The following SMYD3 variants were observed in gnomAD, a reference collection of about 807,000 sequenced individuals.
The protein encoded by SMYD3 is histone-lysine N-methyltransferase SMYD3.
SMYD3 carries 36 observed loss-of-function variants against 57.7 expected under a neutral mutation model. The ratio of observed to expected loss-of-function variants is 0.62; its 90% CI spans 0.48 to 0.82. The LOEUF is 0.82. Among genes scored for constraint, SMYD3 ranks in the 40% least tolerant of loss-of-function variants. The pLI, the probability that SMYD3 is intolerant of heterozygous loss-of-function variation, is 0.00. For synonymous variants in SMYD3, 211 were observed against 195.0 expected (o/e 1.08, Z -0.68); for missense variants, 515 against 538.8 (o/e 0.96, Z 0.44).
At chr1:246,447,623 T>C (rs1302468109) in intron 1 of SMYD3, among the ~76,000 whole-genome samples, 1 of 152,202 alleles carries the variant, frequency 6.6e-6, no homozygotes, top group Non-Finnish European at 1.5e-5. Flanking sequence ...TTCAGTCTTA[T>C]AGTCTACAGA....
chr1:245,930,395 G>A, intron 5 of SMYD3: 1 of 337,474 alleles, frequency 3.0e-6, no homozygotes, highest in Non-Finnish European at 5.7e-6. Context: ...CCTACAGAAA[G>A]CGAAGTATCC....
At chr1:245,798,387 C>T (rs1200088500) in intron 10 of SMYD3, among the ~76,000 whole-genome samples, 21 of 128,868 alleles carry the variant, frequency 1.6e-4, no homozygotes, top group Non-Finnish European at 1.7e-5. Context: ...AACACACACA[C>T]GCGCACACAC....
chr1:246,234,649 G>A (rs58818843), intron 5 of SMYD3, among the ~76,000 whole-genome samples: 1 of 151,094 alleles, frequency 6.6e-6, no homozygotes, highest in Non-Finnish European at 1.5e-5. Context: ...CCACTATGTA[G>A]TTTACATTTT....
chr1:245,994,519 A>T (rs770384281), intron 5 of SMYD3, among the ~76,000 whole-genome samples: 1 of 152,164 alleles, frequency 6.6e-6, no homozygotes, highest in Non-Finnish European at 1.5e-5. Flanking sequence ...CTCTGAAATA[A>T]GCATTTTCTC....
At chr1:246,371,846 G>A (rs1055672851) in intron 1 of SMYD3, among the ~76,000 whole-genome samples, 2 of 152,154 alleles carry the variant, frequency 1.3e-5, no homozygotes, top group Admixed American at 6.5e-5. Context: ...AATTGGAGTC[G>A]TTTGTTCATT....
chr1:246,059,184 C>G (rs994768124), intron 5 of SMYD3, among the ~76,000 whole-genome samples: 1 of 152,116 alleles, frequency 6.6e-6, no homozygotes, highest in African/African-American at 2.4e-5. Context: ...CCCACAACTC[C>G]ACATTTCTAA....
chr1:245,946,687 T>C (rs1032214601), intron 5 of SMYD3, among the ~76,000 whole-genome samples: 2 of 152,196 alleles, frequency 1.3e-5, no homozygotes, highest in African/African-American at 4.8e-5. Context: ...AGGTCGGGTC[T>C]GAAACACAGT....
intron 1 of SMYD3, among the ~76,000 whole-genome samples, chr1:246,381,569 T>C (rs1210397873): frequency 1.3e-5 from 2 of 152,168 alleles, no homozygotes; most frequent in Admixed American, 6.5e-5. Context: ...CTCAGACTGG[T>C]CAATGTACTG....
At chr1:246,183,869 G>A (rs61171212) in intron 5 of SMYD3, among the ~76,000 whole-genome samples, 1,589 of 152,228 alleles carry the variant, frequency 0.01, 23 homozygotes, top group African/African-American at 0.035. Context: ...AAGTAAATGC[G>A]GTAGAAACAG....
chr1:245,973,813 G>A (rs543588016), intron 5 of SMYD3, among the ~76,000 whole-genome samples: 1 of 152,076 alleles, frequency 6.6e-6, no homozygotes, highest in Non-Finnish European at 1.5e-5. Context: ...TTTTTGGGGG[G>A]TTCAGTGAGT....
intron 5 of SMYD3, among the ~76,000 whole-genome samples, chr1:246,127,666 C>T (rs908235944): frequency 2.6e-5 from 4 of 151,986 alleles, no homozygotes; most frequent in African/African-American, 4.8e-5. Flanking sequence ...GGGGCTGAGG[C>T]GGGTGGATCA....
chr1:245,778,585 A>G (rs1288551177), intron 10 of SMYD3, among the ~76,000 whole-genome samples: 2 of 152,194 alleles, frequency 1.3e-5, no homozygotes, highest in African/African-American at 4.8e-5. Flanking sequence ...AGCCATTTGT[A>G]TATCTTCTTT....
chr1:246,481,877 C>T (rs2068114925), intron 1 of SMYD3, among the ~76,000 whole-genome samples: 1 of 151,578 alleles, frequency 6.6e-6, no homozygotes. Flanking sequence ...TAACTTCTGG[C>T]TGGGTGTAAT....
At chr1:246,392,550 C>T (rs377676223) in intron 1 of SMYD3, among the ~76,000 whole-genome samples, 1 of 151,866 alleles carries the variant, frequency 6.6e-6, no homozygotes, top group African/African-American at 2.4e-5. Context: ...TGTGCTCAAG[C>T]GATCCTCCCA....
intron 1 of SMYD3, among the ~76,000 whole-genome samples, chr1:246,403,087 A>G (rs1273732283): frequency 6.6e-6 from 1 of 152,150 alleles, no homozygotes; most frequent in Non-Finnish European, 1.5e-5. Context: ...TGATAAACCA[A>G]TTTACTCTAT....
At chr1:246,375,571 G>C (rs12137937) in intron 1 of SMYD3, among the ~76,000 whole-genome samples, 1 of 152,032 alleles carries the variant, frequency 6.6e-6, no homozygotes, top group South Asian at 2.1e-4. Context: ...ACACAGCGAA[G>C]ATGTTCTACA....
chr1:246,035,636 C>G (rs1373539962), intron 5 of SMYD3: 1 of 152,180 alleles, frequency 6.6e-6, no homozygotes, highest in Non-Finnish European at 1.5e-5. Context: ...GGTGTGAGAA[C>G]CTCGTCTTTG....
At chr1:246,161,122 C>T (rs1189034355) in intron 5 of SMYD3, among the ~76,000 whole-genome samples, 1 of 152,192 alleles carries the variant, frequency 6.6e-6, no homozygotes, top group Non-Finnish European at 1.5e-5. Context: ...CACCCCGCTC[C>T]ACCCTGCGCC....
At chr1:245,984,469 C>T (rs549865142) in intron 5 of SMYD3, among the ~76,000 whole-genome samples, 1 of 152,344 alleles carries the variant, frequency 6.6e-6, no homozygotes, top group East Asian at 1.9e-4. Flanking sequence ...GTGCACTCAC[C>T]TGGGCCCTGG....
Sources: allele counts gnomAD v4.1 joint callset (sites outside exome capture counted in the v4.1 genomes callset), GRCh38; gene constraint gnomAD v4.1.1; transcripts MANE v1.5; gene names NCBI Gene and HGNC (gene_info 2026-07-23, HGNC 2026-07-21).